The following SEMA3A variants were observed in gnomAD, a reference collection of about 807,000 sequenced individuals.
SEMA3A encodes semaphorin 3A, also known as semaphorin-3A.
SEMA3A carries 29 observed loss-of-function variants against 97.9 expected under a neutral mutation model. The ratio of observed to expected loss-of-function variants is 0.30; its 90% CI spans 0.22 to 0.40. The LOEUF (loss-of-function observed/expected upper bound fraction) is 0.40. Ranked by LOEUF, SEMA3A falls within the 10% of genes least tolerant of loss-of-function variation. The pLI, the probability that SEMA3A is intolerant of heterozygous loss-of-function variation, is 1.00. For missense variants in SEMA3A, 763 were observed against 951.3 expected, an observed-to-expected ratio of 0.80 and a Z score of 2.60; for synonymous variants, 321 against 323.7, an observed-to-expected ratio of 0.99 and a Z score of 0.09.
intron 1 of SEMA3A, among the ~76,000 whole-genome samples, chr7:84,475,176 G>GT (rs966926278): frequency 1.8e-4 from 26 of 147,730 alleles, no homozygotes; most frequent in East Asian, 4.0e-4. Context: ...TGTGTGTTTT[G>GT]TTTTTTTTTT....
chr7:84,222,211 A>T (rs1798898298), intron 3 of SEMA3A, among the ~76,000 whole-genome samples: 1 of 151,984 alleles, frequency 6.6e-6, no homozygotes. Context: ...TTGAATTAAA[A>T]TATAAAGGGA....
intron 9 of SEMA3A, among the ~76,000 whole-genome samples, chr7:84,009,826 G>A (rs1447717910): frequency 6.9e-6 from 1 of 145,820 alleles, no homozygotes; most frequent in East Asian, 2.0e-4. Context: ...AGAAGGGAAG[G>A]AGCCCGTGGA....
intron 1 of SEMA3A, among the ~76,000 whole-genome samples, chr7:84,429,050 A>G (rs1804899563): frequency 6.6e-6 from 1 of 152,058 alleles, no homozygotes; most frequent in Non-Finnish European, 1.5e-5. Flanking sequence ...TGGGAGGTTC[A>G]TGTTCCAACA....
At chr7:84,025,520 A>C (rs1791513741) in intron 6 of SEMA3A, among the ~76,000 whole-genome samples, 1 of 152,218 alleles carries the variant, frequency 6.6e-6, no homozygotes, top group Non-Finnish European at 1.5e-5. Context: ...GCCTAAGCAG[A>C]GGAGATATAT....
At chr7:84,160,853 C>A (rs1584059535) in intron 1 of SEMA3A, among the ~76,000 whole-genome samples, 1 of 150,624 alleles carries the variant, frequency 6.6e-6, no homozygotes, top group South Asian at 2.1e-4. Context: ...GCACTCCAGC[C>A]TGGGCAACAA....
chr7:84,409,369 A>G (rs1013738556), intron 1 of SEMA3A, among the ~76,000 whole-genome samples: 1 of 151,942 alleles, frequency 6.6e-6, no homozygotes, highest in Non-Finnish European at 1.5e-5. Context: ...ATAATTATCT[A>G]GTGTTCTATT....
intron 2 of SEMA3A, among the ~76,000 whole-genome samples, chr7:84,131,427 C>T (rs184633801): frequency 2.9e-4 from 44 of 152,140 alleles, no homozygotes; most frequent in Admixed American, 2.4e-3. Flanking sequence ...ATCCTTATGC[C>T]TCTACACTTC....
At chr7:84,155,463 G>C (rs992240102) in intron 1 of SEMA3A, among the ~76,000 whole-genome samples, 3 of 152,022 alleles carry the variant, frequency 2.0e-5, no homozygotes, top group Non-Finnish European at 2.9e-5. Context: ...AAACAACTTG[G>C]CAAAATCATT....
intron 2 of SEMA3A, among the ~76,000 whole-genome samples, chr7:84,359,643 C>T (rs1802659412): frequency 6.6e-6 from 1 of 152,158 alleles, no homozygotes; most frequent in South Asian, 2.1e-4. Flanking sequence ...TAGGATCATG[C>T]TGGCCTCATA....
intron 5 of SEMA3A, among the ~76,000 whole-genome samples, chr7:84,054,445 C>T (rs1275826793): frequency 3.3e-5 from 5 of 151,648 alleles, no homozygotes; most frequent in Non-Finnish European, 3.0e-5. Flanking sequence ...CTTCCCTTCT[C>T]GCTTCATTTC....
intron 1 of SEMA3A, among the ~76,000 whole-genome samples, chr7:84,172,837 A>G (rs1797434939): frequency 6.6e-6 from 1 of 152,224 alleles, no homozygotes; most frequent in African/African-American, 2.4e-5. Context: ...CTCTCAGTTA[A>G]TCTATTGTTT....
intron 12 of SEMA3A, among the ~76,000 whole-genome samples, chr7:83,990,394 A>G (rs1222218044): frequency 6.6e-5 from 10 of 150,688 alleles, no homozygotes; most frequent in Non-Finnish European, 1.5e-4. Flanking sequence ...GTCCTTGCCC[A>G]TGCCTATGTC....
chr7:84,044,339 G>A (rs1792263908), intron 6 of SEMA3A, among the ~76,000 whole-genome samples: 1 of 152,040 alleles, frequency 6.6e-6, no homozygotes, highest in Non-Finnish European at 1.5e-5. Flanking sequence ...TTCTCACATG[G>A]TCACCCAGGT....
chr7:83,992,689 T>G (rs1562959683), intron 12 of SEMA3A, among the ~76,000 whole-genome samples: 1 of 151,630 alleles, frequency 6.6e-6, no homozygotes, highest in African/African-American at 2.4e-5. Flanking sequence ...AGAGATAGTT[T>G]GTTATAATTT....
At chr7:84,357,460 T>A (rs1344861220) in intron 2 of SEMA3A, among the ~76,000 whole-genome samples, 1 of 152,124 alleles carries the variant, frequency 6.6e-6, no homozygotes, top group Non-Finnish European at 1.5e-5. Flanking sequence ...ACAAAGGACA[T>A]GAACTCATCA....
At chr7:84,000,648 A>T (rs531864974) in intron 12 of SEMA3A, among the ~76,000 whole-genome samples, 1 of 152,176 alleles carries the variant, frequency 6.6e-6, no homozygotes, top group African/African-American at 2.4e-5. Context: ...AAGTGTTCCA[A>T]ATGGATTTGT....
At chr7:83,984,655 C>A (rs1789557242) in intron 13 of SEMA3A, among the ~76,000 whole-genome samples, 1 of 120,562 alleles carries the variant, frequency 8.3e-6, no homozygotes. Context: ...ATATACTGGA[C>A]AGAAGAAAGT....
intron 1 of SEMA3A, among the ~76,000 whole-genome samples, chr7:84,482,335 A>G (rs1006525672): frequency 1.3e-5 from 2 of 152,200 alleles, no homozygotes; most frequent in African/African-American, 4.8e-5. Flanking sequence ...ATTATTGTAT[A>G]CCGAATATCT....
intron 1 of SEMA3A, among the ~76,000 whole-genome samples, chr7:84,183,966 G>A (rs987135514): frequency 6.6e-6 from 1 of 152,062 alleles, no homozygotes; most frequent in African/African-American, 2.4e-5. Flanking sequence ...TCCTTACATG[G>A]AATCTGCTTA....
Sources: allele counts gnomAD v4.1 joint callset (sites outside exome capture counted in the v4.1 genomes callset), GRCh38; gene constraint gnomAD v4.1.1; transcripts MANE v1.5; gene names NCBI Gene and HGNC (gene_info 2026-07-23, HGNC 2026-07-21).